NIBAN1: variants seen among roughly 807,000 people sequenced by gnomAD.
The protein encoded by NIBAN1 is niban apoptosis regulator 1.
A neutral mutation model predicts 75.1 loss-of-function variants in NIBAN1; 81 were observed. The ratio of observed to expected loss-of-function variants is 1.08; its 90% confidence interval spans 0.90 to 1.30. The LOEUF (loss-of-function observed/expected upper bound fraction) is 1.30, where lower values mean the gene tolerates loss of function less well. NIBAN1 is among the 50% of genes most tolerant of loss of function. The pLI, the probability that NIBAN1 is intolerant of heterozygous loss-of-function variation, is 0.00. For missense variants in NIBAN1, 1,133 were observed against 1,128.1 expected (o/e 1.00, Z -0.06); for synonymous variants, 436 against 424.8 (o/e 1.03, Z -0.32).
chr1:184,842,742 C>T (rs1475599771), intron 5 of NIBAN1, among the ~76,000 whole-genome samples: 8 of 142,044 alleles, frequency 5.6e-5, no homozygotes, highest in Non-Finnish European at 1.1e-4. Context: ...GCAGCCTGGG[C>T]GACAAAAGTG....
At chr1:184,896,528 T>C (rs1382584140) in intron 2 of NIBAN1, among the ~76,000 whole-genome samples, 3 of 152,152 alleles carry the variant, frequency 2.0e-5, no homozygotes, top group African/African-American at 7.2e-5. Context: ...CTTTTTTGTG[T>C]ATAGGCTTTT....
intron 5 of NIBAN1, among the ~76,000 whole-genome samples, chr1:184,843,477 C>A (rs948680804): frequency 3.3e-5 from 5 of 152,160 alleles, no homozygotes; most frequent in African/African-American, 1.2e-4. Flanking sequence ...ATATTTGCTT[C>A]TTTCCAAATA....
intron 5 of NIBAN1, among the ~76,000 whole-genome samples, chr1:184,851,860 A>G (rs1315979537): frequency 6.6e-6 from 1 of 150,900 alleles, no homozygotes; most frequent in Non-Finnish European, 1.5e-5. Context: ...TTTTTTAACT[A>G]ATCCTCTTAT....
chr1:184,872,266 A>G (rs901947814), intron 5 of NIBAN1, among the ~76,000 whole-genome samples: 1 of 152,134 alleles, frequency 6.6e-6, no homozygotes, highest in African/African-American at 2.4e-5. Flanking sequence ...AATGAAAAAT[A>G]AAAAAATTAA....
At chr1:184,888,957 T>C (rs1239388618) in intron 4 of NIBAN1, among the ~76,000 whole-genome samples, 4 of 152,268 alleles carry the variant, frequency 2.6e-5, no homozygotes, top group Non-Finnish European at 5.9e-5. Flanking sequence ...AATTGTGTTA[T>C]TAAAAACACT....
intron 5 of NIBAN1, among the ~76,000 whole-genome samples, chr1:184,832,608 G>A (rs1273365590): frequency 6.6e-6 from 1 of 152,198 alleles, no homozygotes; most frequent in Non-Finnish European, 1.5e-5. Flanking sequence ...CATATAGCTA[G>A]TGAGTGGCAC....
intron 8 of NIBAN1, chr1:184,821,355 G>C (rs1654695574): frequency 6.6e-6 from 1 of 152,046 alleles, no homozygotes; most frequent in African/African-American, 2.4e-5. Flanking sequence ...GCACTTCCTT[G>C]TTTTAAAGGT....
At chr1:184,909,201 C>T (rs1187110665) in intron 1 of NIBAN1, among the ~76,000 whole-genome samples, 1 of 152,212 alleles carries the variant, frequency 6.6e-6, no homozygotes, top group Non-Finnish European at 1.5e-5. Flanking sequence ...TCAGGCCAGA[C>T]TTAAAATAAG....
chr1:184,959,889 T>C (rs1032509315), intron 1 of NIBAN1, among the ~76,000 whole-genome samples: 40 of 152,344 alleles, frequency 2.6e-4, no homozygotes, highest in African/African-American at 9.6e-4. Flanking sequence ...CAGAGACACA[T>C]GATCTTCTGT....
chr1:184,901,479 T>C (rs1656953322), intron 1 of NIBAN1, among the ~76,000 whole-genome samples: 1 of 152,204 alleles, frequency 6.6e-6, no homozygotes, highest in Admixed American at 6.5e-5. Context: ...TATAATTTTC[T>C]TACATAGGAG....
intron 1 of NIBAN1, among the ~76,000 whole-genome samples, chr1:184,917,267 C>G (rs936473039): frequency 2.0e-5 from 3 of 150,708 alleles, no homozygotes; most frequent in African/African-American, 7.3e-5. Flanking sequence ...TGCAGTGGCG[C>G]GATCTCAGCT....
chr1:184,796,240 A>C lies in NIBAN1; in HGVS notation c.1667-143T>G, dbSNP rs1356477185. The C allele has an allele frequency of 5.3e-6, 4 of 753,948 alleles. No individual in the cohort carries two copies. The South Asian group carries it at 9.0e-5, about 17-fold the overall frequency. The allele number at this position is 753,948 out of a possible 1,614,324, so 46.7% of individuals were successfully genotyped here. Reference sequence around the variant, plus strand: ...GAGCCTTCCCTGATGACCAAAGTCTATAAACTCTTTCCAAACTCTGAGCCT... The same window carrying C: ...GAGCCTTCCCTGATGACCAAAGTCTCTAAACTCTTTCCAAACTCTGAGCCT... On this transcript the variant is annotated intron_variant, in intron 13 of 13. Transcript: ENST00000367511.
At chr1:184,907,134 T>C (rs964465429) in intron 1 of NIBAN1, among the ~76,000 whole-genome samples, 1 of 152,218 alleles carries the variant, frequency 6.6e-6, no homozygotes, top group Non-Finnish European at 1.5e-5. Context: ...CATTTTCTGC[T>C]AATCTTTTTT....
At chr1:184,796,223 C>T (rs1316955753) in intron 13 of NIBAN1, 126 bp from the exon 14 acceptor site, 3 of 929,304 alleles carry the variant, frequency 3.2e-6, no homozygotes, top group East Asian at 5.5e-5. Context: ...GGGAGCCTTC[C>T]CTGATGACCA....
chr1:184,931,820 G>A (rs973264824), intron 1 of NIBAN1, among the ~76,000 whole-genome samples: 1 of 152,196 alleles, frequency 6.6e-6, no homozygotes, highest in Non-Finnish European at 1.5e-5. Flanking sequence ...CTCATGTGTA[G>A]CGCAGCACAA....
chr1:184,909,763 GATA>G (rs1657192829), intron 1 of NIBAN1, among the ~76,000 whole-genome samples: 1 of 152,146 alleles, frequency 6.6e-6, no homozygotes, highest in Non-Finnish European at 1.5e-5. Flanking sequence ...CAGTTTTTCT[GATA>G]ATAACTCAAA....
intron 1 of NIBAN1, among the ~76,000 whole-genome samples, chr1:184,921,382 T>C (rs923711745): frequency 6.6e-6 from 1 of 152,040 alleles, no homozygotes; most frequent in African/African-American, 2.4e-5. Flanking sequence ...ATACAGACTT[T>C]TATAGAGACA....
intron 5 of NIBAN1, among the ~76,000 whole-genome samples, chr1:184,863,925 T>C (rs1465671894): frequency 6.6e-6 from 1 of 152,246 alleles, no homozygotes; most frequent in Non-Finnish European, 1.5e-5. Context: ...CTTAGTATTG[T>C]CATAGGGATC....
intron 1 of NIBAN1, among the ~76,000 whole-genome samples, chr1:184,917,941 A>C (rs140409865): frequency 2.0e-5 from 3 of 151,922 alleles, no homozygotes; most frequent in Non-Finnish European, 4.4e-5. Flanking sequence ...CTTCTTAATC[A>C]GTCACTCTTT....
Sources: allele counts gnomAD v4.1 joint callset (sites outside exome capture counted in the v4.1 genomes callset), GRCh38; gene constraint gnomAD v4.1.1; transcripts MANE v1.5; gene names NCBI Gene and HGNC (gene_info 2026-07-23, HGNC 2026-07-21).